The following TUB variants were observed in gnomAD, a reference collection of about 807,000 sequenced individuals.
TUB encodes the protein tubby protein homolog.
TUB carries 33 observed loss-of-function variants against 59.7 expected under a neutral mutation model. The observed-to-expected ratio is 0.55, with a 90% CI of 0.42 to 0.74. TUB has a LOEUF of 0.74. Ranked by LOEUF, TUB falls within the 30% of genes least tolerant of loss-of-function variation. The pLI is 0.00. For synonymous variants in TUB, 293 were observed against 256.4 expected, an observed-to-expected ratio of 1.14 and a Z score of -1.36; for missense variants, 659 against 672.0, an observed-to-expected ratio of 0.98 and a Z score of 0.21.
chr11:8,089,661 G>C lies in TUB; in HGVS notation c.90G>C (p.Gln30His). 1 of 1,614,212 alleles carries C rather than the reference G, an allele frequency of 6.2e-7. No homozygotes were observed. The highest frequency in any genetic ancestry group is 8.5e-7 in the Non-Finnish European group (1 of 1,180,034). ...RNLRQQKLDR[Q>H]RALLEQKQKK... The stretch of plus-strand genomic sequence containing the variant: ...TGAGGCAGCAGAAGCTTGATCGGCA[G>C]GTGAGTAGGCCTGGGGCCGGGTAGA... Residue 30 changes from glutamine to histidine, a missense_variant and splice_region_variant, in exon 2 of 12, where the codon CAG (glutamine) becomes CAC (histidine). By Grantham distance (24) the Gln-to-His change is conservative. Coordinates refer to ENST00000299506, the MANE Select transcript of TUB (RefSeq NM_177972.3).
chr11:8,020,955 A>G (rs927179501), intron 1 of TUB, among the ~76,000 whole-genome samples: 9 of 152,256 alleles, frequency 5.9e-5, no homozygotes, highest in African/African-American at 2.2e-4. Context: ...TCTAGATTAT[A>G]TTAGAAATAA....
upstream of TUB, chr11:8,035,923 A>T (rs1942639333): frequency 6.6e-6 from 1 of 152,240 alleles, no homozygotes; most frequent in Non-Finnish European, 1.5e-5. Context: ...GATGCTTCCT[A>T]ACCAGCCTTC....
intron 11 of TUB, among the ~76,000 whole-genome samples, chr11:8,101,231 C>CTTTAAAAGTTCTTTAAAGG (rs1944287053): frequency 6.6e-6 from 1 of 152,212 alleles, no homozygotes; most frequent in Non-Finnish European, 1.5e-5. Flanking sequence ...GGCACGGGAA[C>CTTTAAAAGTTCTTTAAAGG]ACCCTTTAAA....
At position 8,101,010 on chromosome 11, in the gene TUB, G is replaced by A. The variant is rs2133913485; in HGVS notation, c.1387+13G>A. The A allele has an allele frequency of 1.2e-6, 2 of 1,614,002 alleles. No individual in the cohort carries two copies. The highest frequency in any genetic ancestry group is 1.7e-6 in the Non-Finnish European group (2 of 1,179,930). On this transcript the variant is annotated intron_variant, in intron 11 of 11. Transcript: ENST00000299506. The stretch of plus-strand genomic sequence containing the variant: ...CATGGCAATGACCGTGAGTGTTTCT[G>A]TCCCTACTCATTATGGTCCGTAGGA...
At chr11:8,091,318 C>T (rs1316483859) in intron 3 of TUB, among the ~76,000 whole-genome samples, 1 of 152,220 alleles carries the variant, frequency 6.6e-6, no homozygotes, top group East Asian at 1.9e-4. Context: ...ACCATACAGG[C>T]TCGGTCCCCT....
chr11:8,033,266 C>G (rs1417499944), intron 1 of TUB, among the ~76,000 whole-genome samples: 2 of 152,184 alleles, frequency 1.3e-5, no homozygotes, highest in Admixed American at 6.5e-5. Flanking sequence ...TTCAGGGGTC[C>G]GTTTCAGGGC....
At chr11:8,059,414 G>A (rs977705464) in intron 2 of TUB, among the ~76,000 whole-genome samples, 3 of 152,150 alleles carry the variant, frequency 2.0e-5, no homozygotes, top group Non-Finnish European at 4.4e-5. Flanking sequence ...GCTGCTCAGC[G>A]GAACAGTGCC....
chr11:8,098,533 T>G (rs74052534), intron 8 of TUB, among the ~76,000 whole-genome samples: 197 of 152,266 alleles, frequency 1.3e-3, no homozygotes, highest in African/African-American at 4.6e-3. Context: ...CCTGAATTGC[T>G]CTCACTGAAC....
chr11:8,054,089 G>A (rs11041720), intron 2 of TUB, among the ~76,000 whole-genome samples: 48,452 of 151,646 alleles, frequency 0.32, 9,259 homozygotes, highest in East Asian at 0.5. Flanking sequence ...TACTCCAGCC[G>A]GGGCGACAGA....
intron 5 of TUB, among the ~76,000 whole-genome samples, 168 bp from the exon 6 acceptor site, chr11:8,096,517 A>G (rs1046570968): frequency 5.9e-5 from 9 of 152,194 alleles, no homozygotes; most frequent in African/African-American, 1.7e-4. Flanking sequence ...GTGTGGGAAT[A>G]TATGTGTGAA....
intron 2 of TUB, among the ~76,000 whole-genome samples, chr11:8,062,529 G>A (rs1943151108): frequency 6.6e-6 from 1 of 151,962 alleles, no homozygotes; most frequent in Non-Finnish European, 1.5e-5. Flanking sequence ...GTGTGTGTGT[G>A]TGTGTGTGTG....
At chr11:8,091,288 C>A (rs947982661) in intron 3 of TUB, among the ~76,000 whole-genome samples, 1 of 152,186 alleles carries the variant, frequency 6.6e-6, no homozygotes, top group Non-Finnish European at 1.5e-5. Flanking sequence ...TTGCCTGGTG[C>A]CCAGTTTGTG....
intron 1 of TUB, among the ~76,000 whole-genome samples, chr11:8,019,834 C>G (rs1331092192): frequency 6.6e-6 from 1 of 152,156 alleles, no homozygotes; most frequent in South Asian, 2.1e-4. Context: ...CGGAGTGTCC[C>G]GCTGGCTGCC....
At position 8,096,807 on chromosome 11, in the gene TUB, G is replaced by T; in HGVS notation, c.687+1G>T. 6.2e-7 allele frequency: 1 copy of T among 1,614,002 alleles called. No homozygotes were observed. The highest frequency in any genetic ancestry group is 8.5e-7 in the Non-Finnish European group (1 of 1,179,890). On this transcript the variant is annotated splice_donor_variant, in intron 6 of 11. Transcript: ENST00000299506. LOFTEE classifies it high-confidence loss of function. ...TGCTACTAGCAGGAAGTCCGTCAGG[G>T]TGAGTGAGTGAGTCTGCATCCACAG...
rs1340894080 is a variant in TUB, at chr11:8,100,924, C to T, written c.1314C>T (p.Ser438=). The T allele has an allele frequency of 6.2e-7, 1 of 1,614,062 alleles. No homozygotes were observed. The highest frequency in any genetic ancestry group is 8.5e-7 in the Non-Finnish European group (1 of 1,180,040). ...KTPVWNDDTQ[S]YVLNFHGRVT... ...CTGTCTGGAATGATGACACACAGTCCTATGTACTCAACTTCCATGGGCGCG... is the reference window on the plus strand; with the variant it reads ...CTGTCTGGAATGATGACACACAGTCTTATGTACTCAACTTCCATGGGCGCG... Residue 438 remains serine (S), a synonymous_variant, in exon 11 of 12, where the codon TCC becomes TCT. Coordinates refer to ENST00000299506, the MANE Select transcript of TUB (RefSeq NM_177972.3).
chr11:8,070,928 CT>C (rs1365291670), intron 2 of TUB, among the ~76,000 whole-genome samples: 1 of 152,154 alleles, frequency 6.6e-6, no homozygotes, highest in Non-Finnish European at 1.5e-5. Flanking sequence ...ATCACTCTCA[CT>C]GCCATGTGAG....
chr11:8,084,167 T>C (rs1231945834), intron 1 of TUB, among the ~76,000 whole-genome samples: 1 of 152,178 alleles, frequency 6.6e-6, no homozygotes, highest in African/African-American at 2.4e-5. Context: ...TCTTGCTGGT[T>C]CTGCTGGTGA....
chr11:8,053,702 C>T (rs1589935411), intron 2 of TUB, among the ~76,000 whole-genome samples: 2 of 151,192 alleles, frequency 1.3e-5, no homozygotes, highest in African/African-American at 2.4e-5. Flanking sequence ...GGGGTTTCAC[C>T]GTGTTAGCCA....
chr11:8,100,220 A>G (rs1163132572), intron 9 of TUB, among the ~76,000 whole-genome samples: 1 of 152,206 alleles, frequency 6.6e-6, no homozygotes, highest in African/African-American at 2.4e-5. Context: ...TAGACGTAGG[A>G]TGTAGAAGAG....
Sources: gnomAD v4.1 joint callset for allele counts (sites outside exome capture counted in the v4.1 genomes callset) on GRCh38, gnomAD v4.1.1 for gene constraint, MANE v1.5 for transcripts, NCBI Gene and HGNC (gene_info 2026-07-23, HGNC 2026-07-21) for gene names.